KYAT1: variants seen among roughly 807,000 people sequenced by gnomAD.
The protein encoded by KYAT1 is kynurenine--oxoglutarate transaminase 1.
In KYAT1, 47 loss-of-function variants were observed where a neutral mutation model predicts 52.4. The ratio of observed to expected loss-of-function variants is 0.90; its 90% confidence interval spans 0.71 to 1.14. The LOEUF is 1.14. Among genes scored for constraint, KYAT1 ranks in the 50% most tolerant of loss-of-function variants. The probability of loss-of-function intolerance (pLI) is 0.00; values close to 1 mark genes in which losing one functional copy is unlikely to be tolerated. For missense variants in KYAT1, 480 were observed against 557.9 expected, an observed-to-expected ratio of 0.86 and a Z score of 1.41; for synonymous variants, 212 against 209.6, an observed-to-expected ratio of 1.01 and a Z score of -0.10.
At chr9:128,837,914 A>C (rs1831416435) in intron 5 of KYAT1, 101 bp from the exon 6 acceptor site, 1 of 1,490,524 alleles carries the variant, frequency 6.7e-7, no homozygotes, top group African/African-American at 1.4e-5. Context: ...ATCCCAACAC[A>C]CACACCTCCC....
At chr9:128,836,204 A>C in intron 7 of KYAT1, 131 bp from the exon 8 acceptor site, 2 of 621,858 alleles carry the variant, frequency 3.2e-6, no homozygotes, top group South Asian at 2.5e-5. Context: ...AGTTATTTGC[A>C]CAATTTTTTT....
At position 128,868,774 on chromosome 9, in the gene KYAT1, T is replaced by C. The variant is rs1588145080; in HGVS notation, c.-7+13123A>G. Among the ~76,000 whole-genome samples, 2 of 151,292 alleles carry C rather than the reference T, an allele frequency of 1.3e-5. 1 individual carries two copies. Among genetic ancestry groups the C allele is most frequent in the South Asian group, 4.2e-4 (2 of 4,778 alleles). On this transcript the variant is annotated intron_variant, in intron 1 of 12. Coordinates refer to ENST00000302586, the MANE Select transcript of KYAT1 (RefSeq NM_004059.5). ...AGGCTAGAGTGCTGTGGCACGATCT[T>C]GGCTCACTACAACCTCTGCCTCTGG...
chr9:128,837,943 G>A, intron 5 of KYAT1, 108 bp downstream of exon 5: 3 of 1,491,758 alleles, frequency 2.0e-6, no homozygotes, highest in Non-Finnish European at 2.8e-6. Flanking sequence ...TCCCAGCTTA[G>A]AGGAACTGGC....
chr9:128,863,301 C>T (rs1306071628), intron 1 of KYAT1, among the ~76,000 whole-genome samples: 1 of 152,002 alleles, frequency 6.6e-6, no homozygotes, highest in Non-Finnish European at 1.5e-5. Flanking sequence ...CATTTTACCT[C>T]TCTGAACATC....
intron 3 of KYAT1, chr9:128,841,938 T>G (rs1044316051): frequency 6.6e-6 from 1 of 151,276 alleles, no homozygotes; most frequent in Non-Finnish European, 1.5e-5. Context: ...GTGAGCCCCA[T>G]GAGGTACAGG....
chr9:128,843,003 C>T (rs1332321490), intron 2 of KYAT1, among the ~76,000 whole-genome samples: 1 of 152,094 alleles, frequency 6.6e-6, no homozygotes, highest in Non-Finnish European at 1.5e-5. Context: ...TCTGTCTTCA[C>T]TAAAAATACA....
At chr9:128,861,884 G>A (rs1018305520) in intron 1 of KYAT1, among the ~76,000 whole-genome samples, 1 of 152,210 alleles carries the variant, frequency 6.6e-6, no homozygotes, top group African/African-American at 2.4e-5. Flanking sequence ...CTTGGGATGG[G>A]AACCATCCTG....
In KYAT1 at chr9:128,838,277, C is replaced by G. The variant is rs1831503170; in HGVS notation, c.292G>C (p.Val98Leu). 6.2e-7 allele frequency: 1 copy of G among 1,614,242 alleles called. No homozygotes were observed. The highest frequency in any genetic ancestry group is 8.5e-7 in the Non-Finnish European group (1 of 1,180,040). The part of the protein sequence containing the change: ...IDPLRNVLVT[V>L]GGYGALFTAF... ...GTGAACAGGGCCCCATAGCCACCAA[C>G]AGTCACCAGCACATTCCTGAGCGGG... is the stretch of plus-strand genomic sequence containing the variant. Residue 98 changes from valine to leucine, a missense_variant, in exon 4 of 13, where the codon GTT (valine) becomes CTT (leucine). Val to Leu is a conservative substitution (Grantham distance 32). Coordinates refer to ENST00000302586, the MANE Select transcript of KYAT1 (RefSeq NM_004059.5).
intron 3 of KYAT1, among the ~76,000 whole-genome samples, chr9:128,841,865 G>C (rs903494413): frequency 2.0e-5 from 3 of 151,894 alleles, no homozygotes; most frequent in Non-Finnish European, 4.4e-5. Flanking sequence ...TGCCCCTGTT[G>C]TCCCAGCAAC....
At chr9:128,864,171 G>A (rs1345337556) in intron 1 of KYAT1, among the ~76,000 whole-genome samples, 1 of 151,798 alleles carries the variant, frequency 6.6e-6, no homozygotes, top group Non-Finnish European at 1.5e-5. Flanking sequence ...GACTGTCCTG[G>A]CTAACACAGT....
At chr9:128,872,199 C>A (rs1837327426) in intron 1 of KYAT1, among the ~76,000 whole-genome samples, 1 of 150,536 alleles carries the variant, frequency 6.6e-6, no homozygotes, top group African/African-American at 2.4e-5. Context: ...AATCCCAGCA[C>A]TTTGGGAGGC....
At position 128,833,391 on chromosome 9, in the gene KYAT1, C is replaced by T; in HGVS notation, c.*193G>A. On this transcript the variant is annotated 3_prime_UTR_variant, in exon 13 of 13. Coordinates refer to ENST00000302586, the MANE Select transcript of KYAT1 (RefSeq NM_004059.5). ...CCCAGGTCAGGCCACCCTCACCTTTCAGACAGGAGGCACTTGGTTCTCTAA... is the reference window on the plus strand; with the variant it reads ...CCCAGGTCAGGCCACCCTCACCTTTTAGACAGGAGGCACTTGGTTCTCTAA... 1 of 650,274 alleles carries T rather than the reference C, an allele frequency of 1.5e-6. No individual in the cohort carries two copies. Among genetic ancestry groups the T allele is most frequent in the Non-Finnish European group, 2.7e-6 (1 of 372,382 alleles). 40.3% of individuals were successfully genotyped at this position (650,274 alleles called of 1,614,324 possible). A position where few individuals can be genotyped will look rare whatever the true frequency, so the allele number is the denominator to read the frequency against.
At chr9:128,881,283 A>G (rs561161690) in intron 1 of KYAT1, among the ~76,000 whole-genome samples, 2 of 151,336 alleles carry the variant, frequency 1.3e-5, no homozygotes, top group African/African-American at 4.9e-5. Context: ...AGGTTTCACC[A>G]AGTTAGCCAG....
intron 1 of KYAT1, among the ~76,000 whole-genome samples, chr9:128,879,105 T>C (rs1020096674): frequency 7.9e-5 from 12 of 152,106 alleles, no homozygotes; most frequent in Non-Finnish European, 4.4e-5. Flanking sequence ...GGTCAGGAGA[T>C]AGAGACCATC....
intron 3 of KYAT1, among the ~76,000 whole-genome samples, chr9:128,838,740 T>G (rs1395626966): frequency 1.3e-5 from 2 of 152,180 alleles, no homozygotes; most frequent in Non-Finnish European, 1.5e-5. Context: ...CCACCAGCAT[T>G]TGCCACAGGG....
chr9:128,862,801 G>A (rs1409899801), intron 1 of KYAT1, among the ~76,000 whole-genome samples: 8 of 152,054 alleles, frequency 5.3e-5, no homozygotes, highest in Non-Finnish European at 1.2e-4. Flanking sequence ...GGTAAGACTG[G>A]GCATAGGAGT....
chr9:128,836,740 A>G, intron 7 of KYAT1, 62 bp downstream of exon 7: 9 of 1,578,812 alleles, frequency 5.7e-6, no homozygotes, highest in Non-Finnish European at 7.7e-6. Context: ...GCTGACTCTC[A>G]GGTGGGGTCA....
At chr9:128,865,359 A>ATAT (rs1836206985) in intron 1 of KYAT1, among the ~76,000 whole-genome samples, 1 of 27,314 alleles carries the variant, frequency 3.7e-5, no homozygotes, top group South Asian at 1.4e-3. Flanking sequence ...ATATATATAT[A>ATAT]TTTTTTTTTT....
At chr9:128,876,905 T>C (rs1838126215) in intron 1 of KYAT1, among the ~76,000 whole-genome samples, 2 of 149,998 alleles carry the variant, frequency 1.3e-5, no homozygotes, top group South Asian at 4.2e-4. Context: ...TTATTTTTAT[T>C]TTTATTTTTT....
Sources: gnomAD v4.1 joint callset for allele counts (sites outside exome capture counted in the v4.1 genomes callset) on GRCh38, gnomAD v4.1.1 for gene constraint, MANE v1.5 for transcripts, NCBI Gene and HGNC (gene_info 2026-07-23, HGNC 2026-07-21) for gene names.